Variants in ESR1 observed in about 807,000 individuals in gnomAD.
The protein encoded by ESR1 is estrogen receptor.
In ESR1, 12 loss-of-function variants were observed where a neutral mutation model predicts 52.7. The ratio of observed to expected loss-of-function variants is 0.23; its 90% CI spans 0.15 to 0.37. The LOEUF (loss-of-function observed/expected upper bound fraction) is 0.37. Ranked by LOEUF, ESR1 falls within the 10% of genes least tolerant of loss-of-function variation. ESR1 has a pLI of 1.00. For missense variants in ESR1, 584 were observed against 779.7 expected (o/e 0.75, Z 2.99); for synonymous variants, 305 against 316.8 (o/e 0.96, Z 0.39).
At chr6:152,004,322 TGG>T (rs758277679) in intron 4 of ESR1, among the ~76,000 whole-genome samples, 7 of 152,004 alleles carry the variant, frequency 4.6e-5, no homozygotes, top group Non-Finnish European at 4.4e-5. Context: ...ATAAGGAGTG[TGG>T]TTACTTGGGT....
intron 2 of ESR1, among the ~76,000 whole-genome samples, chr6:151,755,134 T>A (rs1360305207): frequency 6.6e-6 from 1 of 150,844 alleles, no homozygotes; most frequent in African/African-American, 2.4e-5. Flanking sequence ...TGCTTGAGCC[T>A]GAGAAGTTGA....
intron 3 of ESR1, among the ~76,000 whole-genome samples, chr6:151,890,312 C>G (rs1794516245): frequency 6.6e-6 from 1 of 152,092 alleles, no homozygotes; most frequent in East Asian, 1.9e-4. Context: ...CTCTCAAACT[C>G]CTGACTTCAA....
intron 2 of ESR1, among the ~76,000 whole-genome samples, chr6:151,756,477 A>G (rs1784295061): frequency 6.6e-6 from 1 of 151,998 alleles, no homozygotes; most frequent in Non-Finnish European, 1.5e-5. Flanking sequence ...CCAACTCCTG[A>G]CCTTGGCTTC....
At chr6:151,699,248 G>A (rs1002474436) in intron 1 of ESR1, among the ~76,000 whole-genome samples, 1 of 151,972 alleles carries the variant, frequency 6.6e-6, no homozygotes, top group Non-Finnish European at 1.5e-5. Context: ...GTTTAGTAGG[G>A]GAAAAGATTT....
chr6:152,125,102 G>T (rs1166345227), intron 6 of ESR1, among the ~76,000 whole-genome samples: 1 of 152,204 alleles, frequency 6.6e-6, no homozygotes, highest in Non-Finnish European at 1.5e-5. Flanking sequence ...GGAGACTCTA[G>T]ACAGGCTGAA....
chr6:152,063,140 C>G (rs1438514525), intron 6 of ESR1, among the ~76,000 whole-genome samples: 1 of 152,152 alleles, frequency 6.6e-6, no homozygotes, highest in Non-Finnish European at 1.5e-5. Flanking sequence ...CCTTCTCAGA[C>G]TAGTTAAACT....
intron 2 of ESR1, among the ~76,000 whole-genome samples, chr6:151,716,229 G>C (rs1781023083): frequency 6.6e-6 from 1 of 152,126 alleles, no homozygotes; most frequent in African/African-American, 2.4e-5. Context: ...GCACCCACCA[G>C]ATGCCAGCCA....
At chr6:151,967,259 G>A (rs780416884) in intron 4 of ESR1, among the ~76,000 whole-genome samples, 1 of 151,962 alleles carries the variant, frequency 6.6e-6, no homozygotes, top group African/African-American at 2.4e-5. Flanking sequence ...AGGTATATAC[G>A]TGCCATGGTG....
intron 4 of ESR1, 131 bp downstream of exon 4, chr6:151,944,639 G>C (rs1159908810): frequency 1.1e-4 from 87 of 786,108 alleles, no homozygotes; most frequent in Non-Finnish European, 1.7e-4. Flanking sequence ...TACAGGAGAT[G>C]TGTTCATTTT....
intron 1 of ESR1, among the ~76,000 whole-genome samples, chr6:151,669,141 GA>G (rs1418245671): frequency 1.0e-5 from 1 of 95,346 alleles, no homozygotes; most frequent in East Asian, 5.6e-4. Context: ...AGCTCTTTGG[GA>G]GCTGGGAGAG....
chr6:152,011,255 G>C (rs1170314112), intron 4 of ESR1, among the ~76,000 whole-genome samples: 1 of 152,062 alleles, frequency 6.6e-6, no homozygotes, highest in Non-Finnish European at 1.5e-5. Flanking sequence ...TTCCTATTGG[G>C]CATAAGGCAA....
chr6:151,885,845 ACT>A (rs1793754582), intron 3 of ESR1, among the ~76,000 whole-genome samples: 1 of 152,176 alleles, frequency 6.6e-6, no homozygotes, highest in Admixed American at 6.5e-5. Flanking sequence ...ACAGAGTGAG[ACT>A]CTGTCTCAAA....
At chr6:152,060,169 A>G (rs1443846155) in intron 5 of ESR1, among the ~76,000 whole-genome samples, 3 of 152,220 alleles carry the variant, frequency 2.0e-5, no homozygotes, top group African/African-American at 7.2e-5. Flanking sequence ...TAAGTACTAC[A>G]TGTTATGCAC....
intron 3 of ESR1, among the ~76,000 whole-genome samples, chr6:151,914,746 G>A (rs1161626931): frequency 6.6e-6 from 1 of 152,122 alleles, no homozygotes; most frequent in African/African-American, 2.4e-5. Flanking sequence ...TATCTCAGAT[G>A]TTTCAGTGTT....
At chr6:151,839,236 G>A (rs1783880547) in intron 1 of ESR1, among the ~76,000 whole-genome samples, 2 of 152,176 alleles carry the variant, frequency 1.3e-5, no homozygotes, top group Admixed American at 6.5e-5. Flanking sequence ...TCAAGTTTAT[G>A]GGGATTAGGA....
rs376406041 is a variant in ESR1 at position 151,991,484 on chromosome 6, G to A, written c.1097-20172G>A. 9.7e-4 allele frequency among the ~76,000 whole-genome samples: 148 copies of A among 152,166 alleles called. 2 individuals carry two copies. In the South Asian group the frequency reaches 0.03, roughly 30 times the overall value. ...TGAGCCCTCAAGGGGCTCCAAATAC[G>A]GTTGAAGGAAAATTAGACCCAGAAT... On this transcript the variant is annotated intron_variant, in intron 4 of 7. Coordinates refer to ENST00000206249, the MANE Select transcript of ESR1 (RefSeq NM_000125.4).
chr6:151,890,236 C>T (rs146325740), intron 3 of ESR1, among the ~76,000 whole-genome samples: 137 of 152,102 alleles, frequency 9.0e-4, no homozygotes, highest in African/African-American at 2.8e-3. Flanking sequence ...AGGAGCACAC[C>T]GCCATGCCTG....
intron 6 of ESR1, among the ~76,000 whole-genome samples, chr6:152,121,407 A>G (rs2051356514): frequency 6.6e-6 from 1 of 152,184 alleles, no homozygotes; most frequent in Non-Finnish European, 1.5e-5. Context: ...AGCCTCTCCC[A>G]TGTGCAAAAG....
intron 2 of ESR1, among the ~76,000 whole-genome samples, chr6:151,708,843 AAT>A (rs1317677841): frequency 6.6e-6 from 1 of 152,176 alleles, no homozygotes; most frequent in Non-Finnish European, 1.5e-5. Context: ...TATTGTGTAT[AAT>A]ATGATATTTT....
Sources: allele counts gnomAD v4.1 joint callset (sites outside exome capture counted in the v4.1 genomes callset), GRCh38; gene constraint gnomAD v4.1.1; transcripts MANE v1.5; gene names NCBI Gene and HGNC (gene_info 2026-07-23, HGNC 2026-07-21).